The following DDX50 variants were observed in gnomAD, a reference collection of about 807,000 sequenced individuals.
The protein encoded by DDX50 is DExD-box helicase 50, also known as ATP-dependent RNA helicase DDX50.
In DDX50, 56 loss-of-function variants were observed where a neutral mutation model predicts 94.8. The ratio of observed to expected loss-of-function variants is 0.59; its 90% CI spans 0.48 to 0.74. DDX50 has a LOEUF of 0.74. Among genes scored for constraint, DDX50 ranks in the 30% least tolerant of loss-of-function variants. DDX50 has a pLI of 0.00. For synonymous variants in DDX50, 264 were observed against 295.4 expected, an observed-to-expected ratio of 0.89 and a Z score of 1.09; for missense variants, 713 against 881.2, an observed-to-expected ratio of 0.81 and a Z score of 2.42.
chr10:68,920,845 T>C (rs1171520575), intron 8 of DDX50, among the ~76,000 whole-genome samples: 1 of 147,964 alleles, frequency 6.8e-6, no homozygotes, highest in Non-Finnish European at 1.5e-5. Context: ...CTCAGGAGGC[T>C]AAGGCAGGAG....
At chr10:68,913,752 T>A (rs1841704003) in intron 6 of DDX50, among the ~76,000 whole-genome samples, 176 bp downstream of exon 6, 1 of 152,246 alleles carries the variant, frequency 6.6e-6, no homozygotes, top group Non-Finnish European at 1.5e-5. Context: ...TTAACTATTT[T>A]CTTAGCTTTC....
Position 68,935,993 on chromosome 10 carries a change from C to G in DDX50, c.1522-13C>G. ...ACTTCCATTTTTCTTTAATGTAACT[C>G]TTTCATTTTCAGGGAATTACTTTTA... On this transcript the variant is annotated splice_polypyrimidine_tract_variant and intron_variant, in intron 10 of 14. Coordinates refer to ENST00000373585, the MANE Select transcript of DDX50 (RefSeq NM_024045.2). 1 of 1,572,836 alleles carries G rather than the reference C, an allele frequency of 6.4e-7. No individual in the cohort carries two copies. Among genetic ancestry groups the G allele is most frequent in the Non-Finnish European group, 8.7e-7 (1 of 1,155,296 alleles).
Position 68,906,997 on chromosome 10 carries a change from A to C in DDX50, c.374A>C (p.Lys125Thr). ...DTSTHKSSDN[K>T]LEETLTREQK... Reference sequence around the variant, plus strand: ...TCTACTCATAAATCAAGTGATAATAAACTAGAGGAGGTATGGAAGCTTTTT... The same window carrying C: ...TCTACTCATAAATCAAGTGATAATACACTAGAGGAGGTATGGAAGCTTTTT... The change falls in exon 2 of 15, where the codon AAA becomes ACA. Residue 125 changes from lysine (K) to threonine (T), a missense_variant. Around this residue, in one of 2 missense-constraint regions of DDX50, gnomAD observed 285 missense variants for 278.9 expected, o/e 1.02. Transcript: ENST00000373585. The C allele has an allele frequency of 1.3e-6, 2 of 1,578,068 alleles. No homozygotes were observed. Among genetic ancestry groups the C allele is most frequent in the African/African-American group, 1.4e-5 (1 of 72,494 alleles).
intron 8 of DDX50, among the ~76,000 whole-genome samples, chr10:68,930,444 G>A (rs58451172): frequency 0.011 from 1,725 of 152,252 alleles, 38 homozygotes; most frequent in African/African-American, 0.039. Flanking sequence ...ACCAGTTGCA[G>A]AAGCTAAACA....
chr10:68,904,601 A>G (rs925828906), intron 1 of DDX50, among the ~76,000 whole-genome samples: 1 of 152,204 alleles, frequency 6.6e-6, no homozygotes, highest in Non-Finnish European at 1.5e-5. Flanking sequence ...ACTGAAACCA[A>G]GTAGACGGAG....
intron 8 of DDX50, among the ~76,000 whole-genome samples, chr10:68,932,204 A>G (rs1354333180): frequency 6.6e-6 from 1 of 152,210 alleles, no homozygotes; most frequent in Non-Finnish European, 1.5e-5. Context: ...TCATTCATGT[A>G]TATGTTAAGC....
chr10:68,912,339 C>T (rs1047763817), intron 4 of DDX50, among the ~76,000 whole-genome samples: 15 of 152,020 alleles, frequency 9.9e-5, no homozygotes, highest in African/African-American at 2.9e-4. Flanking sequence ...CTCAGTCTCT[C>T]CAGTAGGTAG....
chr10:68,919,455 T>G (rs1194792729), intron 7 of DDX50, among the ~76,000 whole-genome samples: 1 of 152,244 alleles, frequency 6.6e-6, no homozygotes, highest in Admixed American at 6.5e-5. Flanking sequence ...CAACCACTGT[T>G]TGATTTTTCT....
At chr10:68,915,990 T>C (rs1350391340) in intron 7 of DDX50, among the ~76,000 whole-genome samples, 1 of 152,158 alleles carries the variant, frequency 6.6e-6, no homozygotes, top group Non-Finnish European at 1.5e-5. Flanking sequence ...TATGTAAATA[T>C]ACAAACACAG....
intron 7 of DDX50, among the ~76,000 whole-genome samples, chr10:68,915,318 C>A (rs1367246042): frequency 4.6e-5 from 7 of 151,676 alleles, no homozygotes; most frequent in African/African-American, 1.7e-4. Flanking sequence ...GAGGCTGAGG[C>A]AGGAGAATGG....
chr10:68,926,081 G>A (rs1400638862), intron 8 of DDX50, among the ~76,000 whole-genome samples: 1 of 143,062 alleles, frequency 7.0e-6, no homozygotes, highest in Non-Finnish European at 1.5e-5. Flanking sequence ...GGGAGGCTGA[G>A]GCAAGAGGAT....
chr10:68,924,973 C>T (rs936723733), intron 8 of DDX50, among the ~76,000 whole-genome samples: 1 of 152,108 alleles, frequency 6.6e-6, no homozygotes. Context: ...ATATGCCTTC[C>T]AGGTAGCTTT....
intron 4 of DDX50, among the ~76,000 whole-genome samples, chr10:68,912,904 T>G (rs536306028): frequency 3.9e-5 from 6 of 152,100 alleles, no homozygotes; most frequent in Non-Finnish European, 7.4e-5. Flanking sequence ...GTTTAAGTGC[T>G]GAGGAGAAAT....
chr10:68,918,127 G>T (rs1330005305), intron 7 of DDX50, among the ~76,000 whole-genome samples: 1 of 151,870 alleles, frequency 6.6e-6, no homozygotes, highest in South Asian at 2.1e-4. Context: ...GTTTCACCAC[G>T]TTGGCCAGGC....
At chr10:68,909,146 AT>A (rs540186957) in intron 2 of DDX50, among the ~76,000 whole-genome samples, 67 of 151,990 alleles carry the variant, frequency 4.4e-4, no homozygotes, top group African/African-American at 1.4e-3. Context: ...TATTTTTATA[AT>A]TTTTTTTATC....
chr10:68,919,714 CTT>C (rs2132036568), intron 7 of DDX50, 116 bp from the exon 8 acceptor site: 23 of 1,257,968 alleles, frequency 1.8e-5, no homozygotes, highest in Non-Finnish European at 2.5e-5. Context: ...TGAGGAGAGT[CTT>C]TGTCTTACAG....
At chr10:68,931,412 T>C (rs1422517668) in intron 8 of DDX50, among the ~76,000 whole-genome samples, 1,366 of 30,004 alleles carry the variant, frequency 0.046, 25 homozygotes, top group South Asian at 0.081. Context: ...TATATATATG[T>C]ATATATATAT....
Position 68,906,985 on chromosome 10 carries a change from C to A in DDX50, c.362C>A (p.Ser121Ter). 6.3e-7 allele frequency: 1 copy of A among 1,583,376 alleles called. No individual in the cohort carries two copies. Among genetic ancestry groups the A allele is most frequent in the South Asian group, 1.2e-5 (1 of 84,126 alleles). The change falls in exon 2 of 15, where the codon TCA becomes TAA. Residue 121 changes from serine (S) to a stop codon, truncating the protein, a stop_gained. Coordinates refer to ENST00000373585, the MANE Select transcript of DDX50 (RefSeq NM_024045.2). LOFTEE classifies it high-confidence loss of function. ...TCTTTAGATACTTCTACTCATAAATCAAGTGATAATAAACTAGAGGAGGTA... is the reference window on the plus strand; with the variant it reads ...TCTTTAGATACTTCTACTCATAAATAAAGTGATAATAAACTAGAGGAGGTA... ...VSSLDTSTHK[S>*]SDNKLEETLT...
At chr10:68,920,031 A>G in intron 8 of DDX50, 50 bp downstream of exon 8, 1 of 1,604,860 alleles carries the variant, frequency 6.2e-7, no homozygotes, top group Non-Finnish European at 8.5e-7. Context: ...GGGATGAATC[A>G]CTGAACGAAA....
Sources: allele counts gnomAD v4.1 joint callset (sites outside exome capture counted in the v4.1 genomes callset), GRCh38; gene constraint gnomAD v4.1.1; regional missense constraint gnomAD v4.1.1; transcripts MANE v1.5; gene names NCBI Gene and HGNC (gene_info 2026-07-23, HGNC 2026-07-21).